The following AUTS2 variants were observed in gnomAD, a reference collection of about 807,000 sequenced individuals.
The protein encoded by AUTS2 is autism susceptibility gene 2 protein.
AUTS2 carries 17 observed loss-of-function variants against 112.4 expected under a neutral mutation model. That is an observed-to-expected ratio of 0.15 (90% confidence interval 0.10 to 0.23). AUTS2 has a LOEUF of 0.23. AUTS2 is among the 10% of genes least tolerant of loss of function. The pLI is 1.00. For missense variants in AUTS2, 1,510 were observed against 1,701.6 expected (o/e 0.89, Z 1.98); for synonymous variants, 751 against 702.7 (o/e 1.07, Z -1.09).
chr7:69,775,213 C>A (rs1357976700), intron 1 of AUTS2, among the ~76,000 whole-genome samples: 1 of 152,060 alleles, frequency 6.6e-6, no homozygotes, highest in African/African-American at 2.4e-5. Flanking sequence ...CTTCTCAGGA[C>A]ACTTATCTTC....
intron 5 of AUTS2, among the ~76,000 whole-genome samples, chr7:70,448,515 G>T (rs958367161): frequency 1.3e-5 from 2 of 152,170 alleles, no homozygotes; most frequent in Non-Finnish European, 2.9e-5. Flanking sequence ...AGGTCCAGGG[G>T]ATTGACCTTA....
At chr7:70,244,751 G>T (rs1055507085) in intron 4 of AUTS2, among the ~76,000 whole-genome samples, 24 of 152,242 alleles carry the variant, frequency 1.6e-4, no homozygotes, top group African/African-American at 5.3e-4. Context: ...ATAAATTTTC[G>T]GTGAAAGGGA....
chr7:69,632,578 T>G, intron 1 of AUTS2, among the ~76,000 whole-genome samples: 1 of 109,302 alleles, frequency 9.1e-6, no homozygotes. Context: ...CTCTCCCCTC[T>G]CCCCTCTCCC....
At chr7:70,558,986 A>G (rs1801365791) in intron 5 of AUTS2, among the ~76,000 whole-genome samples, 1 of 152,192 alleles carries the variant, frequency 6.6e-6, no homozygotes, top group Non-Finnish European at 1.5e-5. Flanking sequence ...TTGAATTGTA[A>G]TAATCCCCAT....
intron 2 of AUTS2, among the ~76,000 whole-genome samples, chr7:69,958,790 T>C (rs1797318160): frequency 6.6e-6 from 1 of 152,168 alleles, no homozygotes; most frequent in Non-Finnish European, 1.5e-5. Flanking sequence ...GGCCTGAGAA[T>C]GTACATTTTT....
chr7:70,322,920 T>A (rs1047900685), intron 4 of AUTS2, among the ~76,000 whole-genome samples: 4 of 152,152 alleles, frequency 2.6e-5, no homozygotes, highest in Non-Finnish European at 5.9e-5. Flanking sequence ...ATCCTTCCAC[T>A]CTCAGCACTT....
intron 2 of AUTS2, among the ~76,000 whole-genome samples, chr7:70,040,791 C>T (rs984807720): frequency 6.6e-6 from 1 of 152,170 alleles, no homozygotes; most frequent in Non-Finnish European, 1.5e-5. Flanking sequence ...GTCCTGAAGC[C>T]ACTGCAGGTT....
At chr7:69,936,781 T>C (rs1002866091) in intron 2 of AUTS2, among the ~76,000 whole-genome samples, 12 of 152,188 alleles carry the variant, frequency 7.9e-5, no homozygotes, top group East Asian at 7.7e-4. Context: ...AATACAGTAA[T>C]GTGAGAGTCT....
chr7:70,695,227 C>T (rs374991416), intron 5 of AUTS2, among the ~76,000 whole-genome samples: 1 of 152,178 alleles, frequency 6.6e-6, no homozygotes, highest in East Asian at 1.9e-4. Flanking sequence ...TTTCCTCCCC[C>T]CTCTGCGGCC....
chr7:69,816,969 A>G (rs1043831235), intron 1 of AUTS2, among the ~76,000 whole-genome samples: 1 of 152,108 alleles, frequency 6.6e-6, no homozygotes, highest in African/African-American at 2.4e-5. Flanking sequence ...GACCTCTGTT[A>G]CCTCTTGGAA....
chr7:70,108,729 G>A (rs1297103909), intron 2 of AUTS2, among the ~76,000 whole-genome samples: 1 of 147,036 alleles, frequency 6.8e-6, no homozygotes, highest in Non-Finnish European at 1.5e-5. Context: ...TTGGGAGGCT[G>A]AGGTGGGTGG....
intron 1 of AUTS2, among the ~76,000 whole-genome samples, chr7:69,758,028 C>T (rs1019888249): frequency 1.3e-5 from 2 of 152,194 alleles, no homozygotes; most frequent in Non-Finnish European, 2.9e-5. Context: ...GAAGGCTTCA[C>T]AGCATAGGCG....
intron 2 of AUTS2, among the ~76,000 whole-genome samples, chr7:70,015,472 C>T (rs1799985771): frequency 6.6e-6 from 1 of 152,176 alleles, no homozygotes; most frequent in African/African-American, 2.4e-5. Flanking sequence ...AAATTCTGAG[C>T]TTACATTTGT....
At chr7:70,089,599 C>T (rs1406257605) in intron 2 of AUTS2, among the ~76,000 whole-genome samples, 2 of 151,944 alleles carry the variant, frequency 1.3e-5, no homozygotes, top group Non-Finnish European at 2.9e-5. Context: ...GATATTTAGA[C>T]TGTTTATATA....
At chr7:70,123,582 T>C (rs914602909) in intron 3 of AUTS2, among the ~76,000 whole-genome samples, 1 of 152,202 alleles carries the variant, frequency 6.6e-6, no homozygotes, top group South Asian at 2.1e-4. Context: ...CTCCCACTTA[T>C]AAGTAAAAAC....
rs959922533 is a variant in AUTS2, at chr7:70,480,571, T to C, written c.690+44790T>C. ...TCATCTTTTCCTGAGCATCTTGGGA[T>C]CAGGTGCTCTTGGGAATAAGATGAT... On this transcript the variant is annotated intron_variant, in intron 5 of 18. Transcript: ENST00000342771. 1.2e-4 allele frequency among the ~76,000 whole-genome samples: 18 copies of C among 152,242 alleles called. No homozygotes were observed. The East Asian group carries it at 2.3e-3, about 20-fold the overall frequency.
chr7:70,253,303 C>A (rs772659792), intron 4 of AUTS2, among the ~76,000 whole-genome samples: 7 of 152,104 alleles, frequency 4.6e-5, no homozygotes, highest in Non-Finnish European at 1.0e-4. Flanking sequence ...TATTTAAAAT[C>A]TTTAACTCTG....
intron 4 of AUTS2, among the ~76,000 whole-genome samples, chr7:70,399,756 T>A (rs529939652): frequency 6.7e-5 from 6 of 89,468 alleles, no homozygotes; most frequent in African/African-American, 1.6e-4. Context: ...GGTAAAAAAA[T>A]AAAATAAAAT....
chr7:70,698,118 G>T (rs942152982), intron 5 of AUTS2, among the ~76,000 whole-genome samples: 2 of 152,006 alleles, frequency 1.3e-5, no homozygotes, highest in Non-Finnish European at 2.9e-5. Flanking sequence ...TGGCAGTGTT[G>T]GCTTACACTT....
Sources: allele counts gnomAD v4.1 joint callset (sites outside exome capture counted in the v4.1 genomes callset), GRCh38; gene constraint gnomAD v4.1.1; transcripts MANE v1.5; gene names NCBI Gene and HGNC (gene_info 2026-07-23, HGNC 2026-07-21).